Variants in YTHDC1 observed in about 807,000 individuals in gnomAD.
The protein encoded by YTHDC1 is YTH N6-methyladenosine RNA binding protein C1, also known as YTH domain-containing protein 1.
In YTHDC1, 12 loss-of-function variants were observed where a neutral mutation model predicts 107.0. The observed-to-expected ratio is 0.11, with a 90% CI of 0.07 to 0.18. The LOEUF (loss-of-function observed/expected upper bound fraction) is 0.18, where lower values mean the gene tolerates loss of function less well. Among genes scored for constraint, YTHDC1 ranks in the 10% least tolerant of loss-of-function variants. The pLI, the probability that YTHDC1 is intolerant of heterozygous loss-of-function variation, is 1.00. For missense variants in YTHDC1, 635 were observed against 898.8 expected (o/e 0.71, Z 3.75); for synonymous variants, 280 against 289.5 (o/e 0.97, Z 0.33).
chr4:68,346,605 GTC>G (rs1299889375), intron 1 of YTHDC1, among the ~76,000 whole-genome samples: 1 of 152,042 alleles, frequency 6.6e-6, no homozygotes, highest in Non-Finnish European at 1.5e-5. Context: ...CATCCCTTTG[GTC>G]AACAAATATT....
chr4:68,342,080 T>C (rs1724867265), intron 1 of YTHDC1, among the ~76,000 whole-genome samples: 1 of 152,130 alleles, frequency 6.6e-6, no homozygotes, highest in Non-Finnish European at 1.5e-5. Flanking sequence ...ACAGGTATGG[T>C]ATATGCATAC....
intron 7 of YTHDC1, among the ~76,000 whole-genome samples, chr4:68,331,353 T>A (rs1327664313): frequency 5.9e-5 from 9 of 152,104 alleles, no homozygotes; most frequent in Non-Finnish European, 1.2e-4. Context: ...TTTGGTGTAC[T>A]GTTTCCTTCT....
At chr4:68,328,537 A>G (rs1230985607) in intron 9 of YTHDC1, among the ~76,000 whole-genome samples, 5 of 152,226 alleles carry the variant, frequency 3.3e-5, no homozygotes, top group African/African-American at 1.2e-4. Context: ...TTCATTTGTT[A>G]TACCTTTCCA....
chr4:68,349,738 G>A lies in YTHDC1; in HGVS notation c.16C>T (p.Arg6Trp), dbSNP rs1277216016. ...TCTCCGCACTAACCTTTCTCCTCCC[G>A]ACTGTCAGCCGCCATGGCTCCCCTT... The part of the protein sequence containing the change: MAADS[R>W]EEKDGELNVL... The change falls in exon 1 of 17, where the codon CGG becomes TGG. Residue 6 changes from arginine to tryptophan, a missense_variant. Around this residue, in one of 5 missense-constraint regions of YTHDC1, gnomAD observed 21 missense variants for 21.4 expected, o/e 0.98. Transcript: ENST00000344157. 1.2e-6 allele frequency: 2 copies of A among 1,611,420 alleles called. No homozygotes were observed. Among genetic ancestry groups the A allele is most frequent in the African/African-American group, 2.7e-5 (2 of 74,208 alleles).
chr4:68,332,221 C>T (rs746182589), intron 6 of YTHDC1, 24 bp from the exon 7 acceptor site: 7 of 1,513,196 alleles, frequency 4.6e-6, no homozygotes, highest in East Asian at 4.6e-5. Flanking sequence ...AAACCCAAAT[C>T]GATTAACCAC....
chr4:68,349,806 TCG>T lies in YTHDC1; in HGVS notation c.-55_-54del. On this transcript the variant is annotated 5_prime_UTR_variant, in exon 1 of 17. Transcript: ENST00000344157. ...ACCGCCGCCGCCGCTTAGACGCGAC[TCG>T]CGCGGGCGCCGCAGCCGCGGCAGAA... The T allele has an allele frequency of 6.2e-7, 1 of 1,610,346 alleles. No homozygotes were observed. The highest frequency in any genetic ancestry group is 1.1e-5 in the South Asian group (1 of 90,942).
In YTHDC1 at chr4:68,316,396, T is replaced by C; in HGVS notation, c.1877A>G (p.His626Arg). Residue 626 changes from histidine to arginine, a missense_variant, in exon 16 of 17, where the codon CAT becomes CGT. By Grantham distance (29) the His-to-Arg change is conservative (BLOSUM62 0). Coordinates refer to ENST00000344157, the MANE Select transcript of YTHDC1 (RefSeq NM_001031732.4). ...QPPHHPYYQH[H>R]APPPQAHPPY... is the part of the protein sequence containing the mutation. Reference sequence around the variant, plus strand: ...GGGATGAGCTTGAGGAGGTGGAGCATGGTGCTGATAGTAAGGATGGTGTGG... The same window carrying C: ...GGGATGAGCTTGAGGAGGTGGAGCACGGTGCTGATAGTAAGGATGGTGTGG... 1 of 1,614,020 alleles carries C rather than the reference T, an allele frequency of 6.2e-7. No homozygotes were observed. Among genetic ancestry groups the C allele is most frequent in the South Asian group, 1.1e-5 (1 of 91,070 alleles).
At chr4:68,345,096 T>C (rs1032217241) in intron 1 of YTHDC1, among the ~76,000 whole-genome samples, 4 of 152,178 alleles carry the variant, frequency 2.6e-5, no homozygotes, top group African/African-American at 9.7e-5. Flanking sequence ...ATGTTAGAAA[T>C]AACAAAGCTA....
intron 1 of YTHDC1, among the ~76,000 whole-genome samples, chr4:68,341,600 G>C (rs1724808241): frequency 6.7e-6 from 1 of 149,260 alleles, no homozygotes; most frequent in African/African-American, 2.5e-5. Flanking sequence ...AAAAAAAAAA[G>C]CAAAGAATAT....
Position 68,337,831 on chromosome 4 carries a change from C to A in YTHDC1, c.200G>T (p.Arg67Ile). 6.2e-7 allele frequency: 1 copy of A among 1,613,564 alleles called. No homozygotes were observed. The highest frequency in any genetic ancestry group is 8.5e-7 in the Non-Finnish European group (1 of 1,179,978). ...TKRQKPSVHS[R>I]QLVSKPLSSS... The stretch of plus-strand genomic sequence containing the variant: ...GCTCAGTGGCTTAGAAACCAGTTGT[C>A]TAGAATGGACAGAAGGCTTTTGTCG... The change falls in exon 3 of 17, where the codon AGA (arginine) becomes ATA (isoleucine). Residue 67 changes from arginine to isoleucine, a missense_variant. This residue lies in a region of YTHDC1 where 294 missense variants were observed against 312.3 expected (regional missense o/e 0.94). Coordinates refer to ENST00000344157, the MANE Select transcript of YTHDC1 (RefSeq NM_001031732.4).
Position 68,313,960 on chromosome 4 carries a change from AG to A in YTHDC1, c.*138del, listed in dbSNP as rs955550330. On this transcript the variant is annotated 3_prime_UTR_variant, in exon 17 of 17. Coordinates refer to ENST00000344157, the MANE Select transcript of YTHDC1 (RefSeq NM_001031732.4). Reference sequence around the variant, plus strand: ...TTATGATACTGCATGCTTGGAACAAAGGGGGTCATAATAAATCCTTCTACAC... The same window carrying A: ...TTATGATACTGCATGCTTGGAACAAAGGGGTCATAATAAATCCTTCTACAC... 1 of 897,360 alleles carries A rather than the reference AG, an allele frequency of 1.1e-6. No homozygotes were observed. Among genetic ancestry groups the A allele is most frequent in the African/African-American group, 1.7e-5 (1 of 59,750 alleles). 55.6% of individuals were successfully genotyped at this position (897,360 alleles called of 1,614,324 possible). A position where few individuals can be genotyped will look rare whatever the true frequency, so the allele number is the denominator to read the frequency against.
In YTHDC1 at chr4:68,350,039, C is replaced by A. The variant is rs144385493; in HGVS notation, c.-286G>T. The stretch of plus-strand genomic sequence containing the variant: ...AAGGGAAACAGATGGCGACGGCGGG[C>A]GGCGCTAAAATGGAGCCTGCTTCCT... On this transcript the variant is annotated 5_prime_UTR_variant, in exon 1 of 17. Coordinates refer to ENST00000344157, the MANE Select transcript of YTHDC1 (RefSeq NM_001031732.4). 283 of 544,476 alleles carry A rather than the reference C, an allele frequency of 5.2e-4. 2 individuals carry two copies. The African/African-American group carries it at 5.4e-3, about 10-fold the overall frequency. 33.7% of individuals were successfully genotyped at this position (544,476 alleles called of 1,614,324 possible).
chr4:68,337,868 T>C lies in YTHDC1; in HGVS notation c.163A>G (p.Thr55Ala), dbSNP rs903633944. The C allele has an allele frequency of 6.2e-7, 1 of 1,613,348 alleles. No homozygotes were observed. The highest frequency in any genetic ancestry group is 8.5e-7 in the Non-Finnish European group (1 of 1,179,976). ...SKRKSDRMES[T>A]DTKRQKPSVH... ...GAAGGCTTTTGTCGTTTGGTATCAG[T>C]AGATTCCATTCGATCACTTTTTCTT... Residue 55 changes from threonine (T) to alanine (A), a missense_variant, in exon 3 of 17, where the codon ACT becomes GCT. Around this residue, in one of 5 missense-constraint regions of YTHDC1, gnomAD observed 294 missense variants for 312.3 expected, o/e 0.94. Coordinates refer to ENST00000344157, the MANE Select transcript of YTHDC1 (RefSeq NM_001031732.4).
At chr4:68,327,974 T>C (rs1723178414) in intron 9 of YTHDC1, among the ~76,000 whole-genome samples, 1 of 152,146 alleles carries the variant, frequency 6.6e-6, no homozygotes, top group South Asian at 2.1e-4. Context: ...AAAAGCACTT[T>C]ACTGCCCACA....
intron 2 of YTHDC1, 61 bp from the exon 3 acceptor site, chr4:68,337,961 C>A: frequency 6.5e-7 from 1 of 1,534,968 alleles, no homozygotes; most frequent in Non-Finnish European, 8.7e-7. Flanking sequence ...TTTATTTCAC[C>A]AAAGACTGAC....
chr4:68,327,668 A>G (rs1355091925), intron 9 of YTHDC1, among the ~76,000 whole-genome samples: 2 of 152,200 alleles, frequency 1.3e-5, no homozygotes, highest in Non-Finnish European at 2.9e-5. Context: ...CAAAAGAAAA[A>G]AATATTAACA....
intron 15 of YTHDC1, among the ~76,000 whole-genome samples, chr4:68,318,159 G>A (rs1415525129): frequency 3.3e-5 from 5 of 152,114 alleles, no homozygotes; most frequent in East Asian, 1.9e-4. Flanking sequence ...GTGCAGTGGC[G>A]CAATCTCGGC....
intron 9 of YTHDC1, among the ~76,000 whole-genome samples, chr4:68,328,984 G>A (rs1315593848): frequency 1.3e-5 from 2 of 152,118 alleles, no homozygotes; most frequent in African/African-American, 4.8e-5. Flanking sequence ...TACCTCTTAC[G>A]AGTCCTACAG....
chr4:68,329,608 C>T (rs1723358378), intron 9 of YTHDC1, among the ~76,000 whole-genome samples: 1 of 152,074 alleles, frequency 6.6e-6, no homozygotes, highest in South Asian at 2.1e-4. Context: ...TTCAGAAGAT[C>T]ACAATGGCAA....
Sources: gnomAD v4.1 joint callset for allele counts (sites outside exome capture counted in the v4.1 genomes callset) on GRCh38, gnomAD v4.1.1 for gene constraint, gnomAD v4.1.1 regional missense constraint, MANE v1.5 for transcripts, NCBI Gene and HGNC (gene_info 2026-07-23, HGNC 2026-07-21) for gene names.